The following TBC1D12 variants were observed in gnomAD, a reference collection of about 807,000 sequenced individuals.
The protein encoded by TBC1D12 is TBC1 domain family, member 12.
Under a neutral mutation model 86.7 loss-of-function variants are expected in TBC1D12, and 56 were observed. The observed-to-expected ratio is 0.65, with a 90% CI of 0.52 to 0.81. TBC1D12 has a LOEUF of 0.81. Ranked by LOEUF, TBC1D12 falls within the 30% of genes least tolerant of loss-of-function variation. The probability of loss-of-function intolerance (pLI) is 0.00; values close to 1 mark genes in which losing one functional copy is unlikely to be tolerated. For missense variants in TBC1D12, 1,023 were observed against 1,038.8 expected, an observed-to-expected ratio of 0.98 and a Z score of 0.21; for synonymous variants, 421 against 411.7, an observed-to-expected ratio of 1.02 and a Z score of -0.27.
At chr10:94,460,352 T>C (rs1309382828) in intron 2 of TBC1D12, among the ~76,000 whole-genome samples, 1 of 152,256 alleles carries the variant, frequency 6.6e-6, no homozygotes, top group Non-Finnish European at 1.5e-5. Flanking sequence ...GAAAGTTTTT[T>C]TCCTTCACTT....
At chr10:94,435,595 A>G (rs1425446500) in intron 1 of TBC1D12, among the ~76,000 whole-genome samples, 2 of 151,978 alleles carry the variant, frequency 1.3e-5, no homozygotes, top group African/African-American at 2.4e-5. Flanking sequence ...TCTGTGTGCT[A>G]ATTTTTTGTC....
At chr10:94,487,567 C>T (rs1259890617) in intron 3 of TBC1D12, among the ~76,000 whole-genome samples, 1 of 151,830 alleles carries the variant, frequency 6.6e-6, no homozygotes, top group Non-Finnish European at 1.5e-5. Flanking sequence ...ATTGCATAAG[C>T]AAACAAACTA....
At position 94,460,475 on chromosome 10, in the gene TBC1D12, C is replaced by A. The variant is rs899274313; in HGVS notation, c.1096-14193C>A. On this transcript the variant is annotated intron_variant, in intron 2 of 12. Coordinates refer to ENST00000225235, the MANE Select transcript of TBC1D12 (RefSeq NM_015188.2). ...TGCATTTCTGAGGATAAGTTCATAT[C>A]TTTGCTCCTATAGGTAGCATGTTTT... 4.6e-5 allele frequency among the ~76,000 whole-genome samples: 7 copies of A among 151,988 alleles called. No individual in the cohort carries two copies. The East Asian group carries it at 5.8e-4, about 13-fold the overall frequency.
At chr10:94,447,153 A>G (rs1389586243) in intron 2 of TBC1D12, among the ~76,000 whole-genome samples, 1 of 151,560 alleles carries the variant, frequency 6.6e-6, no homozygotes, top group East Asian at 1.9e-4. Flanking sequence ...ATAGAATGAT[A>G]TATCTCAGTT....
chr10:94,467,332 AAGCGATTCTCCTGCCTC>A (rs1233495832), intron 2 of TBC1D12, among the ~76,000 whole-genome samples: 1 of 152,104 alleles, frequency 6.6e-6, no homozygotes, highest in Non-Finnish European at 1.5e-5. Context: ...TCCTGGGTTC[AAGCGATTCTCCTGCCTC>A]AGCCTCCCGA....
intron 6 of TBC1D12, among the ~76,000 whole-genome samples, chr10:94,500,927 A>G (rs1273244739): frequency 2.6e-5 from 4 of 152,002 alleles, no homozygotes; most frequent in Non-Finnish European, 4.4e-5. Context: ...ATGGTGACAC[A>G]TGCCTGTAAT....
intron 2 of TBC1D12, chr10:94,447,714 T>G (rs540533478): frequency 1.0e-6 from 1 of 982,126 alleles, no homozygotes; most frequent in East Asian, 1.1e-4. Context: ...TAAATAGTAT[T>G]TCAGTTATAT....
intron 8 of TBC1D12, among the ~76,000 whole-genome samples, 166 bp downstream of exon 8, chr10:94,510,345 C>A (rs1039696995): frequency 2.0e-5 from 3 of 152,096 alleles, no homozygotes; most frequent in Non-Finnish European, 4.4e-5. Context: ...AAAGGAATTT[C>A]TATTATTTTA....
chr10:94,522,167 A>G, intron 10 of TBC1D12, 84 bp downstream of exon 10: 2 of 1,458,938 alleles, frequency 1.4e-6, no homozygotes, highest in Non-Finnish European at 1.9e-6. Flanking sequence ...GGCCAAAACA[A>G]TCTAATCTAA....
At chr10:94,510,265 C>A in intron 8 of TBC1D12, 86 bp downstream of exon 8, 2 of 958,232 alleles carry the variant, frequency 2.1e-6, no homozygotes, top group Non-Finnish European at 3.0e-6. Context: ...ATAGCTATTA[C>A]TTTAAAAAAG....
At chr10:94,528,077 A>C (rs1029543563) in intron 11 of TBC1D12, among the ~76,000 whole-genome samples, 2 of 150,972 alleles carry the variant, frequency 1.3e-5, no homozygotes, top group African/African-American at 4.9e-5. Flanking sequence ...TTGAGGTTTT[A>C]TATAAATTTT....
chr10:94,535,803 A>AT lies in TBC1D12; in HGVS notation c.*2714dup, dbSNP rs1160772094. The AT allele has an allele frequency of 5.3e-5, 8 of 152,108 alleles. No homozygotes were observed. The East Asian group carries it at 5.8e-4, about 11-fold the overall frequency. 9.4% of individuals were successfully genotyped at this position (152,108 alleles called of 1,614,324 possible). On this transcript the variant is annotated 3_prime_UTR_variant, in exon 13 of 13. Coordinates refer to ENST00000225235, the MANE Select transcript of TBC1D12 (RefSeq NM_015188.2). ...CTAAGTTACTGTATTTGTTTTTCTTATTTTTTTATTATTGTACAGTTTCTT... is the reference window on the plus strand; with the variant it reads ...CTAAGTTACTGTATTTGTTTTTCTTATTTTTTTTATTATTGTACAGTTTCTT...
At chr10:94,446,773 A>G (rs982420728) in intron 2 of TBC1D12, among the ~76,000 whole-genome samples, 3 of 152,260 alleles carry the variant, frequency 2.0e-5, no homozygotes, top group Admixed American at 2.0e-4. Context: ...CTAAGTAAAG[A>G]AGAAAAGATT....
chr10:94,523,228 T>A (rs552764956), intron 11 of TBC1D12, among the ~76,000 whole-genome samples: 2 of 136,448 alleles, frequency 1.5e-5, no homozygotes, highest in African/African-American at 5.4e-5. Context: ...GAGCATAGAC[T>A]CTGGGTTGAA....
intron 9 of TBC1D12, among the ~76,000 whole-genome samples, chr10:94,516,523 T>C (rs938111919): frequency 2.6e-5 from 4 of 151,492 alleles, no homozygotes; most frequent in Non-Finnish European, 5.9e-5. Flanking sequence ...ACCCATTAAC[T>C]CGTCATTTAC....
intron 3 of TBC1D12, among the ~76,000 whole-genome samples, chr10:94,478,744 A>C (rs2056032463): frequency 2.0e-5 from 3 of 152,218 alleles, no homozygotes; most frequent in Admixed American, 1.3e-4. Flanking sequence ...ATCCAGATCC[A>C]TTGAATCTTA....
Position 94,412,716 on chromosome 10 carries a change from C to T in TBC1D12, c.971+9132C>T, listed in dbSNP as rs533996009. Among the ~76,000 whole-genome samples the T allele has an allele frequency of 2.1e-4, 32 of 151,744 alleles. No individual in the cohort carries two copies. The South Asian group carries it at 6.3e-3, about 30-fold the overall frequency. On this transcript the variant is annotated intron_variant, in intron 1 of 12. Coordinates refer to ENST00000225235, the MANE Select transcript of TBC1D12 (RefSeq NM_015188.2). ...GTGGAAACATTTGGAGATTTTGAGA[C>T]GATACATCTGTTATCCATCTCTAAA...
Position 94,522,362 on chromosome 10 carries a change from A to G in TBC1D12, c.1909A>G (p.Thr637Ala). 1 of 1,440,552 alleles carries G rather than the reference A, an allele frequency of 6.9e-7. No individual in the cohort carries two copies. The highest frequency in any genetic ancestry group is 9.4e-7 in the Non-Finnish European group (1 of 1,061,156). The allele number at this position is 1,440,552 out of a possible 1,614,324, so 89.2% of individuals were successfully genotyped here. ...TCTTTAGATGTTGAAATATTTTGCA[A>G]CATTTGAAGTATTCTTTGAAGAAAA... ...DHSMMLKYFATFEVFFEENLS... is the reference protein window; with the variant it reads ...DHSMMLKYFAAFEVFFEENLS... Residue 637 changes from threonine (T) to alanine (A), a missense_variant, in exon 11 of 13, where the codon ACA becomes GCA. This residue lies in a region of TBC1D12 where 395 missense variants were observed against 507.7 expected (regional missense o/e 0.78). Coordinates refer to ENST00000225235, the MANE Select transcript of TBC1D12 (RefSeq NM_015188.2).
intron 1 of TBC1D12, among the ~76,000 whole-genome samples, chr10:94,405,983 G>T (rs550032090): frequency 6.6e-6 from 1 of 151,808 alleles, no homozygotes; most frequent in Non-Finnish European, 1.5e-5. Context: ...GCTAATTTTT[G>T]TATTTTTGGT....
Sources: allele counts gnomAD v4.1 joint callset (sites outside exome capture counted in the v4.1 genomes callset), GRCh38; gene constraint gnomAD v4.1.1; regional missense constraint gnomAD v4.1.1; transcripts MANE v1.5; gene names NCBI Gene and HGNC (gene_info 2026-07-23, HGNC 2026-07-21).